The following NDST4 variants were observed in gnomAD, a reference collection of about 807,000 sequenced individuals.
The protein encoded by NDST4 is N-deacetylase and N-sulfotransferase 4.
NDST4 carries 63 observed loss-of-function variants against 100.8 expected under a neutral mutation model. That is an observed-to-expected ratio of 0.62 (90% CI 0.51 to 0.77). The LOEUF is 0.77. Among genes scored for constraint, NDST4 ranks in the 30% least tolerant of loss-of-function variants. The pLI is 0.00. For missense variants in NDST4, 943 were observed against 1,018.4 expected, an observed-to-expected ratio of 0.93 and a Z score of 1.01; for synonymous variants, 377 against 361.8, an observed-to-expected ratio of 1.04 and a Z score of -0.48.
At chr4:114,986,809 TA>T (rs1726916419) in intron 2 of NDST4, among the ~76,000 whole-genome samples, 2 of 116,092 alleles carry the variant, frequency 1.7e-5, no homozygotes, top group South Asian at 3.1e-4. Flanking sequence ...TATATATATA[TA>T]TATATATATA....
At chr4:114,952,322 G>C (rs963702771) in intron 4 of NDST4, among the ~76,000 whole-genome samples, 2 of 152,068 alleles carry the variant, frequency 1.3e-5, no homozygotes, top group African/African-American at 4.8e-5. Context: ...GGTTAAATGT[G>C]TTCAGAAACA....
chr4:114,926,959 G>C (rs1413951787), intron 6 of NDST4, among the ~76,000 whole-genome samples: 1 of 151,902 alleles, frequency 6.6e-6, no homozygotes, highest in Non-Finnish European at 1.5e-5. Context: ...ACATACATAT[G>C]AATTCAGTAA....
intron 8 of NDST4, among the ~76,000 whole-genome samples, chr4:114,850,942 C>A (rs2126188273): frequency 6.6e-6 from 1 of 152,306 alleles, no homozygotes; most frequent in African/African-American, 2.4e-5. Context: ...TCCATCATCT[C>A]TGCCTATTTC....
chr4:114,870,972 C>A (rs773422136), intron 6 of NDST4, 22 bp from the exon 7 acceptor site: 4 of 1,579,018 alleles, frequency 2.5e-6, no homozygotes, highest in Admixed American at 1.8e-5. Flanking sequence ...ATAAAAATGA[C>A]CACAAAAATA....
chr4:114,851,576 C>T (rs140453533), intron 8 of NDST4, among the ~76,000 whole-genome samples: 189 of 152,222 alleles, frequency 1.2e-3, no homozygotes, highest in Non-Finnish European at 2.2e-3. Context: ...TATTCAATGA[C>T]AAATGATAGG....
At chr4:115,055,019 C>T (rs1728662233) in intron 2 of NDST4, among the ~76,000 whole-genome samples, 1 of 152,096 alleles carries the variant, frequency 6.6e-6, no homozygotes, top group Non-Finnish European at 1.5e-5. Flanking sequence ...GCTCCCATCA[C>T]TTGCATTATC....
intron 3 of NDST4, among the ~76,000 whole-genome samples, chr4:114,976,006 G>A (rs556193701): frequency 7.7e-4 from 117 of 151,944 alleles, no homozygotes; most frequent in Non-Finnish European, 1.3e-3. Flanking sequence ...TTATCAACTC[G>A]TATACATACT....
intron 2 of NDST4, among the ~76,000 whole-genome samples, chr4:115,010,250 G>A (rs545524880): frequency 0.011 from 1,384 of 123,484 alleles, 342 homozygotes; most frequent in Middle Eastern, 0.044. Flanking sequence ...TGTTTATTGC[G>A]GCGCTATTCA....
At chr4:114,996,817 A>G (rs1727175622) in intron 2 of NDST4, among the ~76,000 whole-genome samples, 1 of 152,118 alleles carries the variant, frequency 6.6e-6, no homozygotes, top group African/African-American at 2.4e-5. Flanking sequence ...TGCAGGCAAA[A>G]TTAGAAAATG....
chr4:114,929,906 G>A (rs1378689630), intron 6 of NDST4, among the ~76,000 whole-genome samples: 2 of 152,082 alleles, frequency 1.3e-5, no homozygotes, highest in African/African-American at 4.8e-5. Flanking sequence ...AATCACACCT[G>A]GGCAAGAGGT....
chr4:115,043,121 C>T (rs1728389198), intron 2 of NDST4, among the ~76,000 whole-genome samples: 1 of 151,858 alleles, frequency 6.6e-6, no homozygotes, highest in Non-Finnish European at 1.5e-5. Flanking sequence ...AATAGTCATT[C>T]AGTTTTAAAA....
chr4:114,976,582 T>C (rs556256227), intron 3 of NDST4, among the ~76,000 whole-genome samples: 53 of 152,060 alleles, frequency 3.5e-4, no homozygotes, highest in African/African-American at 1.3e-3. Context: ...AGGGTGAGAC[T>C]GAACATAAGT....
chr4:114,858,596 A>G (rs1457486351), intron 7 of NDST4, among the ~76,000 whole-genome samples: 2 of 152,214 alleles, frequency 1.3e-5, no homozygotes, highest in African/African-American at 4.8e-5. Flanking sequence ...TGCAGAGTCC[A>G]ACAAATAGTT....
intron 6 of NDST4, among the ~76,000 whole-genome samples, chr4:114,933,349 A>G (rs2126224423): frequency 6.6e-6 from 1 of 152,070 alleles, no homozygotes; most frequent in African/African-American, 2.4e-5. Flanking sequence ...TTTAAATCAA[A>G]TACCTGAAAC....
intron 4 of NDST4, among the ~76,000 whole-genome samples, chr4:114,970,192 G>A (rs1311406696): frequency 6.7e-6 from 1 of 150,094 alleles, no homozygotes; most frequent in Admixed American, 6.6e-5. Flanking sequence ...AAAGCTTTCT[G>A]AAAATAACTT....
intron 1 of NDST4, among the ~76,000 whole-genome samples, chr4:115,109,969 C>G (rs1729912019): frequency 6.6e-6 from 1 of 151,756 alleles, no homozygotes; most frequent in Admixed American, 6.6e-5. Flanking sequence ...ATTCACATTT[C>G]AAAAAAATAT....
At chr4:114,854,388 T>A (rs1023325387) in intron 7 of NDST4, among the ~76,000 whole-genome samples, 1 of 152,230 alleles carries the variant, frequency 6.6e-6, no homozygotes, top group Non-Finnish European at 1.5e-5. Flanking sequence ...TGATGGATAC[T>A]TAAGTTGCTT....
At chr4:115,029,968 A>C in intron 2 of NDST4, among the ~76,000 whole-genome samples, 1 of 152,148 alleles carries the variant, frequency 6.6e-6, no homozygotes, top group Non-Finnish European at 1.5e-5. Context: ...AAAGAGCATA[A>C]AGTATGCTTA....
At chr4:115,026,684 C>CG (rs374230291) in intron 2 of NDST4, among the ~76,000 whole-genome samples, 7 of 111,102 alleles carry the variant, frequency 6.3e-5, no homozygotes, top group Admixed American at 2.1e-4. Flanking sequence ...CTTTTTTTGG[C>CG]GGGGGGGTTG....
Sources: allele counts gnomAD v4.1 joint callset (sites outside exome capture counted in the v4.1 genomes callset), GRCh38; gene constraint gnomAD v4.1.1; transcripts MANE v1.5; gene names NCBI Gene and HGNC (gene_info 2026-07-23, HGNC 2026-07-21).